Variants in PSMA1 observed in about 807,000 individuals in gnomAD.
PSMA1 encodes proteasome 20S subunit alpha 1.
Under a neutral mutation model 38.4 loss-of-function variants are expected in PSMA1, and 3 were observed. The ratio of observed to expected loss-of-function variants is 0.08; its 90% CI spans 0.04 to 0.20. The LOEUF (loss-of-function observed/expected upper bound fraction) is 0.20. Among genes scored for constraint, PSMA1 ranks in the 10% least tolerant of loss-of-function variants. The pLI, the probability that PSMA1 is intolerant of heterozygous loss-of-function variation, is 1.00. For synonymous variants in PSMA1, 101 were observed against 107.1 expected, an observed-to-expected ratio of 0.94 and a Z score of 0.35; for missense variants, 227 against 325.3, an observed-to-expected ratio of 0.70 and a Z score of 2.32.
intron 1 of PSMA1, among the ~76,000 whole-genome samples, chr11:14,633,165 T>C (rs1298196970): frequency 6.6e-6 from 1 of 152,152 alleles, no homozygotes; most frequent in Non-Finnish European, 1.5e-5. Context: ...TCCAGCTTTG[T>C]TCCATTGCTG....
intron 2 of PSMA1, among the ~76,000 whole-genome samples, chr11:14,591,985 G>C (rs1178063374): frequency 6.6e-6 from 1 of 152,132 alleles, no homozygotes; most frequent in East Asian, 1.9e-4. Context: ...AAGATCTGCA[G>C]CTTCACTCCT....
intron 2 of PSMA1, among the ~76,000 whole-genome samples, chr11:14,554,489 A>T (rs555112310): frequency 6.6e-6 from 1 of 152,120 alleles, no homozygotes; most frequent in African/African-American, 2.4e-5. Context: ...TAGTTTTTCT[A>T]TAGGGTGTGA....
At chr11:14,583,094 C>T (rs1852302085) in intron 2 of PSMA1, among the ~76,000 whole-genome samples, 1 of 152,168 alleles carries the variant, frequency 6.6e-6, no homozygotes, top group South Asian at 2.1e-4. Context: ...TTACAGGGAC[C>T]ATTGGCCCCA....
At chr11:14,521,805 C>T (rs1851534571), upstream of PSMA1, among the ~76,000 whole-genome samples, 1 of 150,998 alleles carries the variant, frequency 6.6e-6, no homozygotes, top group Admixed American at 6.6e-5. Context: ...AAATTGTTCT[C>T]CAGAAATGTT....
chr11:14,600,468 G>A (rs1194278803), intron 2 of PSMA1, among the ~76,000 whole-genome samples: 2 of 152,210 alleles, frequency 1.3e-5, no homozygotes, highest in African/African-American at 4.8e-5. Flanking sequence ...CCCTCCCCGA[G>A]CCAGGCTGCT....
intron 1 of PSMA1, among the ~76,000 whole-genome samples, chr11:14,618,167 T>C (rs1709610196): frequency 1.3e-5 from 2 of 152,340 alleles, no homozygotes; most frequent in South Asian, 2.1e-4. Flanking sequence ...TCTGATAGCA[T>C]GTAATTATCG....
intron 1 of PSMA1, among the ~76,000 whole-genome samples, chr11:14,631,178 T>C (rs1034372983): frequency 1.3e-5 from 2 of 152,170 alleles, no homozygotes; most frequent in African/African-American, 4.8e-5. Flanking sequence ...AGTTCTGCTC[T>C]GATTTTAGTT....
chr11:14,608,565 A>C (rs1202986624), intron 2 of PSMA1, among the ~76,000 whole-genome samples: 2 of 149,300 alleles, frequency 1.3e-5, no homozygotes, highest in Non-Finnish European at 3.0e-5. Flanking sequence ...GTATAATAAT[A>C]ATAAAATTTA....
chr11:14,633,542 G>T (rs1003216984), intron 1 of PSMA1, among the ~76,000 whole-genome samples: 41 of 152,144 alleles, frequency 2.7e-4, no homozygotes, highest in African/African-American at 9.9e-4. Context: ...TCTCTTCAAA[G>T]CTGTCAGACA....
At chr11:14,529,593 C>T (rs1851623715) in intron 2 of PSMA1, among the ~76,000 whole-genome samples, 1 of 152,194 alleles carries the variant, frequency 6.6e-6, no homozygotes, top group Non-Finnish European at 1.5e-5. Context: ...TTGGCTACTA[C>T]AGTTCTGTGA....
intron 2 of PSMA1, among the ~76,000 whole-genome samples, chr11:14,557,502 A>C (rs1851954034): frequency 6.6e-6 from 1 of 152,180 alleles, no homozygotes; most frequent in Non-Finnish European, 1.5e-5. Flanking sequence ...TCGGCCCCCC[A>C]AAGTGCTGGG....
chr11:14,613,321 G>A (rs890982357), intron 1 of PSMA1, among the ~76,000 whole-genome samples: 6 of 136,798 alleles, frequency 4.4e-5, no homozygotes, highest in Admixed American at 1.4e-4. Flanking sequence ...GCACCATCTC[G>A]GCTCACTGCA....
At chr11:14,641,688 T>C (rs1853203823) in intron 1 of PSMA1, among the ~76,000 whole-genome samples, 1 of 152,222 alleles carries the variant, frequency 6.6e-6, no homozygotes, top group Non-Finnish European at 1.5e-5. Context: ...TTGGATTTTA[T>C]TTTTCAGAAA....
intron 2 of PSMA1, among the ~76,000 whole-genome samples, chr11:14,587,348 C>G (rs2134186378): frequency 6.6e-6 from 1 of 152,280 alleles, no homozygotes; most frequent in Non-Finnish European, 1.5e-5. Flanking sequence ...TTCTTTCTCC[C>G]AGATCTACTC....
chr11:14,605,034 T>C (rs757670155), intron 2 of PSMA1, among the ~76,000 whole-genome samples: 1 of 152,194 alleles, frequency 6.6e-6, no homozygotes, highest in African/African-American at 2.4e-5. Context: ...TATGCATTTT[T>C]GGTAGAAGAA....
intron 2 of PSMA1, among the ~76,000 whole-genome samples, chr11:14,598,960 T>C (rs1255668060): frequency 6.6e-6 from 1 of 152,004 alleles, no homozygotes; most frequent in African/African-American, 2.4e-5. Flanking sequence ...CTCTCAGCAT[T>C]TTTCTGTAAA....
At chr11:14,612,008 G>GAT (rs757379007) in intron 1 of PSMA1, among the ~76,000 whole-genome samples, 4 of 152,174 alleles carry the variant, frequency 2.6e-5, no homozygotes, top group Non-Finnish European at 5.9e-5. Context: ...AAAAACAGCT[G>GAT]TTTTTTGGTT....
upstream of PSMA1, among the ~76,000 whole-genome samples, chr11:14,522,694 T>G (rs1012418364): frequency 2.6e-5 from 4 of 152,182 alleles, no homozygotes; most frequent in African/African-American, 9.6e-5. Flanking sequence ...ATTCCTTTCC[T>G]CATATTATTG....
intron 2 of PSMA1, among the ~76,000 whole-genome samples, chr11:14,549,739 TACA>T (rs916042275): frequency 1.9e-4 from 29 of 150,406 alleles, no homozygotes; most frequent in Non-Finnish European, 4.0e-4. Flanking sequence ...TGTCACCTCA[TACA>T]ACGTGGCAAT....
Sources: allele counts gnomAD v4.1 joint callset (sites outside exome capture counted in the v4.1 genomes callset), GRCh38; gene constraint gnomAD v4.1.1; transcripts MANE v1.5; gene names NCBI Gene and HGNC (gene_info 2026-07-23, HGNC 2026-07-21).